MRRF: variants seen among roughly 807,000 people sequenced by gnomAD.
MRRF encodes mitochondrial ribosome recycling factor, also known as ribosome-recycling factor, mitochondrial.
In MRRF, 18 loss-of-function variants were observed where a neutral mutation model predicts 25.1. The ratio of observed to expected loss-of-function variants is 0.72; its 90% CI spans 0.50 to 1.06. The LOEUF is 1.06. MRRF is among the 50% of genes least tolerant of loss of function. The pLI is 0.00. For missense variants in MRRF, 323 were observed against 319.3 expected (o/e 1.01, Z -0.09); for synonymous variants, 113 against 112.1 (o/e 1.01, Z -0.05).
intron 5 of MRRF, among the ~76,000 whole-genome samples, chr9:122,292,536 G>C (rs1833841343): frequency 6.6e-6 from 1 of 152,038 alleles, no homozygotes; most frequent in African/African-American, 2.4e-5. Flanking sequence ...TGACCTTTTT[G>C]AGAAAGAAAA....
intron 5 of MRRF, among the ~76,000 whole-genome samples, chr9:122,306,067 G>A (rs1834823340): frequency 1.3e-5 from 2 of 152,220 alleles, no homozygotes; most frequent in South Asian, 4.1e-4. Context: ...CAGTTAATAA[G>A]TAAAAGAACA....
At chr9:122,316,430 C>T (rs1010564226) in intron 6 of MRRF, among the ~76,000 whole-genome samples, 2 of 152,030 alleles carry the variant, frequency 1.3e-5, no homozygotes, top group African/African-American at 4.8e-5. Context: ...CCCACCTCAG[C>T]CCCCCAAAGT....
chr9:122,322,619 A>G lies in MRRF; in HGVS notation c.*2A>G, dbSNP rs1326213144. The G allele has an allele frequency of 6.2e-6, 10 of 1,613,964 alleles. No homozygotes were observed. Among genetic ancestry groups the G allele is most frequent in the Non-Finnish European group, 8.5e-6 (10 of 1,179,964 alleles). On this transcript the variant is annotated 3_prime_UTR_variant, in exon 7 of 7. Transcript: ENST00000344641. ...AAGACCAAAGAACTCCTTGGATGAA[A>G]GTCCACTGGGGCCAGCAATACTCCA...
intron 6 of MRRF, among the ~76,000 whole-genome samples, chr9:122,318,001 G>T (rs1451283596): frequency 6.6e-6 from 1 of 152,084 alleles, no homozygotes; most frequent in Non-Finnish European, 1.5e-5. Context: ...GCCGGGCATG[G>T]TGGTGGGCAT....
rs1315106286 is a variant in MRRF at position 122,328,360 on chromosome 9, A to AG, written c.*5743_*5744insG. 1 of 152,162 alleles carries AG rather than the reference A, an allele frequency of 6.6e-6. No individual in the cohort carries two copies. The highest frequency in any genetic ancestry group is 1.5e-5 in the Non-Finnish European group (1 of 68,042). The allele number at this position is 152,162 out of a possible 1,614,324, so 9.4% of individuals were successfully genotyped here. A position where few individuals can be genotyped will look rare whatever the true frequency, so the allele number is the denominator to read the frequency against. On this transcript the variant is annotated 3_prime_UTR_variant, in exon 7 of 7. Coordinates refer to ENST00000344641, the MANE Select transcript of MRRF (RefSeq NM_138777.5). ...CCTCCAGAACTCTTTACCATGCAGA[A>AG]CTGACGCTCTATACCCATTACACAA...
chr9:122,279,082 A>C (rs1832946338), intron 2 of MRRF, among the ~76,000 whole-genome samples: 1 of 152,188 alleles, frequency 6.6e-6, no homozygotes, highest in African/African-American at 2.4e-5. Flanking sequence ...CATTTTGGTC[A>C]GGCTGATCTT....
At chr9:122,298,257 AC>A (rs1203614695) in intron 5 of MRRF, among the ~76,000 whole-genome samples, 1 of 152,210 alleles carries the variant, frequency 6.6e-6, no homozygotes, top group Admixed American at 6.5e-5. Context: ...TTATATAATA[AC>A]CCAAACTATG....
intron 5 of MRRF, among the ~76,000 whole-genome samples, chr9:122,292,759 A>G (rs1588044068): frequency 6.6e-6 from 1 of 152,264 alleles, no homozygotes; most frequent in African/African-American, 2.4e-5. Flanking sequence ...CAAATGGACT[A>G]TAGGGGTACA....
rs892711250 is a variant in MRRF at position 122,267,380 on chromosome 9, C to CAAA, written c.-29+2459_-29+2461dup. 7.5e-3 allele frequency among the ~76,000 whole-genome samples: 538 copies of CAAA among 71,372 alleles called. 3 individuals carry two copies. The highest frequency in any genetic ancestry group is 0.022 in the Middle Eastern group (2 of 90). The allele number at this position is 71,372 out of a possible 152,430, so 46.8% of individuals were successfully genotyped here. A position where few individuals can be genotyped will look rare whatever the true frequency, so the allele number is the denominator to read the frequency against. Reference sequence around the variant, plus strand: ...TGGGCAACAGAGTGAGACTCTGTCTCAAAAAAAAAAAAAAAAAAATTTAAT... The same window carrying CAAA: ...TGGGCAACAGAGTGAGACTCTGTCTCAAAAAAAAAAAAAAAAAAAAAATTTAAT... On this transcript the variant is annotated intron_variant, in intron 1 of 6. Transcript: ENST00000344641.
chr9:122,321,945 G>A (rs1162877624), intron 6 of MRRF, among the ~76,000 whole-genome samples: 1 of 152,120 alleles, frequency 6.6e-6, no homozygotes, highest in Admixed American at 6.5e-5. Flanking sequence ...ATTAAATTTT[G>A]TCATTCCAAC....
At chr9:122,302,576 C>G (rs1834542183) in intron 5 of MRRF, among the ~76,000 whole-genome samples, 1 of 152,164 alleles carries the variant, frequency 6.6e-6, no homozygotes, top group Non-Finnish European at 1.5e-5. Context: ...TATTATATGG[C>G]TATACCACAT....
intron 5 of MRRF, among the ~76,000 whole-genome samples, chr9:122,303,675 C>G (rs961776444): frequency 6.6e-6 from 1 of 152,138 alleles, no homozygotes; most frequent in South Asian, 2.1e-4. Context: ...TCGCATTGTT[C>G]TTTTGGCTGC....
rs1836164959 is a variant in MRRF at position 122,327,114 on chromosome 9, GT to G, written c.*4498del. On this transcript the variant is annotated 3_prime_UTR_variant, in exon 7 of 7. Transcript: ENST00000344641. ...TAATGACTGCAAGTAAAATAGCATAGTACCTGGCACATTGTAAACACCAAAG... is the reference window on the plus strand; with the variant it reads ...TAATGACTGCAAGTAAAATAGCATAGACCTGGCACATTGTAAACACCAAAG... 6.6e-6 allele frequency: 1 copy of G among 152,156 alleles called. No homozygotes were observed. Among genetic ancestry groups the G allele is most frequent in the Non-Finnish European group, 1.5e-5 (1 of 68,024 alleles). The allele number at this position is 152,156 out of a possible 1,614,324, so 9.4% of individuals were successfully genotyped here.
intron 3 of MRRF, among the ~76,000 whole-genome samples, chr9:122,281,891 G>A (rs142288222): frequency 1.3e-5 from 2 of 152,306 alleles, no homozygotes; most frequent in Non-Finnish European, 2.9e-5. Flanking sequence ...ACAGATTGAG[G>A]GAAAAGGATT....
chr9:122,298,585 T>C lies in MRRF; in HGVS notation c.551+6745T>C, dbSNP rs180686602. ...CTCTGGTCCCGGACAACCACTTGTC[T>C]GCTTTTATGAGGATATAGAGTTTTT... On this transcript the variant is annotated intron_variant, in intron 5 of 6. Coordinates refer to ENST00000344641, the MANE Select transcript of MRRF (RefSeq NM_138777.5). 1.2e-4 allele frequency among the ~76,000 whole-genome samples: 19 copies of C among 152,368 alleles called. No individual in the cohort carries two copies. The East Asian group carries it at 3.7e-3, about 29-fold the overall frequency.
chr9:122,266,726 C>A (rs1832115448), intron 1 of MRRF, among the ~76,000 whole-genome samples: 1 of 152,130 alleles, frequency 6.6e-6, no homozygotes, highest in African/African-American at 2.4e-5. Flanking sequence ...TTAAAATGAA[C>A]CTTCTGTGAA....
At chr9:122,302,548 T>TA (rs1834539851) in intron 5 of MRRF, among the ~76,000 whole-genome samples, 1 of 152,238 alleles carries the variant, frequency 6.6e-6, no homozygotes, top group Admixed American at 6.5e-5. Flanking sequence ...CATTCTTTCT[T>TA]ATTGCCAAAT....
intron 5 of MRRF, among the ~76,000 whole-genome samples, chr9:122,299,243 G>A (rs1834283939): frequency 6.6e-6 from 1 of 151,270 alleles, no homozygotes; most frequent in Non-Finnish European, 1.5e-5. Flanking sequence ...AAATTACCCA[G>A]GCATGGTGGC....
At position 122,291,711 on chromosome 9, in the gene MRRF, A is replaced by G. The variant is rs780487833; in HGVS notation, c.460-38A>G. ...AGAGGGCTTGCATCTGGTAATAATT[A>G]TTTACTAATTCTGTTTACCTTTTGA... On this transcript the variant is annotated intron_variant, in intron 4 of 6. Coordinates refer to ENST00000344641, the MANE Select transcript of MRRF (RefSeq NM_138777.5). 5 of 1,426,398 alleles carry G rather than the reference A, an allele frequency of 3.5e-6. No homozygotes were observed. In the South Asian group the frequency reaches 4.6e-5, roughly 13 times the overall value. The allele number at this position is 1,426,398 out of a possible 1,614,324, so 88.4% of individuals were successfully genotyped here.
Sources: gnomAD v4.1 joint callset for allele counts (sites outside exome capture counted in the v4.1 genomes callset) on GRCh38, gnomAD v4.1.1 for gene constraint, MANE v1.5 for transcripts, NCBI Gene and HGNC (gene_info 2026-07-23, HGNC 2026-07-21) for gene names.